Variants in NKAIN2 observed in about 807,000 individuals in gnomAD.
NKAIN2 encodes the protein sodium/potassium transporting ATPase interacting 2.
NKAIN2 carries 14 observed loss-of-function variants against 32.6 expected under a neutral mutation model. The ratio of observed to expected loss-of-function variants is 0.43; its 90% CI spans 0.28 to 0.67. NKAIN2 has a LOEUF of 0.67. Among genes scored for constraint, NKAIN2 ranks in the 30% least tolerant of loss-of-function variants. The pLI is 0.17. For missense variants in NKAIN2, 198 were observed against 258.3 expected (o/e 0.77, Z 1.60); for synonymous variants, 80 against 87.2 (o/e 0.92, Z 0.46).
At chr6:123,991,422 A>G (rs1779403915) in intron 1 of NKAIN2, among the ~76,000 whole-genome samples, 2 of 152,044 alleles carry the variant, frequency 1.3e-5, no homozygotes, top group African/African-American at 4.8e-5. Context: ...GAGAGGAAAA[A>G]AAGTTTGGAA....
Position 124,094,343 on chromosome 6 carries a change from T to C in NKAIN2, c.55-188662T>C, listed in dbSNP as rs182736071. Among the ~76,000 whole-genome samples, 171 of 152,282 alleles carry C rather than the reference T, an allele frequency of 1.1e-3. 1 individual carries two copies. Among genetic ancestry groups the C allele is most frequent in the Admixed American group, 2.0e-3 (31 of 15,290 alleles). ...ATCTCCTTGAAACCTCCCATATTTC[T>C]TACTCTAATTCTGAAATATTTTGAA... On this transcript the variant is annotated intron_variant, in intron 1 of 6. Coordinates refer to ENST00000368417, the MANE Select transcript of NKAIN2 (RefSeq NM_001040214.3).
At chr6:124,108,195 T>C (rs1291185450) in intron 1 of NKAIN2, among the ~76,000 whole-genome samples, 1 of 152,090 alleles carries the variant, frequency 6.6e-6, no homozygotes, top group Non-Finnish European at 1.5e-5. Context: ...TATTATTTGT[T>C]TCTTGGTAAT....
At chr6:124,665,805 T>C (rs1562313933) in intron 4 of NKAIN2, among the ~76,000 whole-genome samples, 2 of 152,160 alleles carry the variant, frequency 1.3e-5, no homozygotes, top group Non-Finnish European at 2.9e-5. Context: ...GTCATTTCCT[T>C]TCTGAGACTG....
intron 1 of NKAIN2, among the ~76,000 whole-genome samples, chr6:124,246,665 A>G (rs561390825): frequency 6.6e-6 from 1 of 152,160 alleles, no homozygotes; most frequent in East Asian, 1.9e-4. Flanking sequence ...TTTACAGCCT[A>G]ACACCACAAC....
intron 3 of NKAIN2, among the ~76,000 whole-genome samples, chr6:124,638,771 G>A (rs1156306462): frequency 6.0e-5 from 9 of 150,776 alleles, no homozygotes; most frequent in African/African-American, 2.2e-4. Flanking sequence ...GACGCCTGTA[G>A]TCCCAGCTAC....
chr6:123,872,768 G>C (rs945496915), intron 1 of NKAIN2, among the ~76,000 whole-genome samples: 2 of 152,082 alleles, frequency 1.3e-5, no homozygotes, highest in African/African-American at 2.4e-5. Flanking sequence ...AGATTATGGG[G>C]AATAAAACAA....
chr6:124,520,081 T>C (rs2114794296), intron 3 of NKAIN2, among the ~76,000 whole-genome samples: 1 of 152,090 alleles, frequency 6.6e-6, no homozygotes, highest in African/African-American at 2.4e-5. Flanking sequence ...GCCTCTGGGG[T>C]CCAGGCCTTT....
At chr6:124,304,738 ACCCCAT>A (rs1796440238) in intron 2 of NKAIN2, among the ~76,000 whole-genome samples, 1 of 151,220 alleles carries the variant, frequency 6.6e-6, no homozygotes, top group Non-Finnish European at 1.5e-5. Context: ...ACATGGTGAA[ACCCCAT>A]CTCTACTAAA....
chr6:123,983,763 T>A (rs1779009023), intron 1 of NKAIN2, among the ~76,000 whole-genome samples: 1 of 151,824 alleles, frequency 6.6e-6, no homozygotes. Flanking sequence ...TTTCTAGTAA[T>A]AATATTAAGT....
At chr6:124,385,883 A>C (rs1772875675) in intron 3 of NKAIN2, among the ~76,000 whole-genome samples, 1 of 151,550 alleles carries the variant, frequency 6.6e-6, no homozygotes, top group Non-Finnish European at 1.5e-5. Context: ...CATGAAAAAT[A>C]GAACAAAAAG....
chr6:124,047,313 A>C (rs934901408), intron 1 of NKAIN2, among the ~76,000 whole-genome samples: 2 of 151,986 alleles, frequency 1.3e-5, no homozygotes, highest in Non-Finnish European at 2.9e-5. Flanking sequence ...TATTTAGGTA[A>C]TCTGCAAATC....
intron 1 of NKAIN2, among the ~76,000 whole-genome samples, chr6:124,237,869 C>T (rs1199909937): frequency 6.6e-6 from 1 of 151,994 alleles, no homozygotes; most frequent in African/African-American, 2.4e-5. Flanking sequence ...CACAGAAGAG[C>T]AGTTACACTG....
At chr6:123,881,664 C>A (rs1452073445) in intron 1 of NKAIN2, among the ~76,000 whole-genome samples, 2 of 152,036 alleles carry the variant, frequency 1.3e-5, no homozygotes, top group Non-Finnish European at 2.9e-5. Flanking sequence ...TTGTGGATTT[C>A]ATATATAATG....
chr6:124,146,178 A>C (rs1195154339), intron 1 of NKAIN2, among the ~76,000 whole-genome samples: 1 of 152,214 alleles, frequency 6.6e-6, no homozygotes, highest in Non-Finnish European at 1.5e-5. Flanking sequence ...TAAAAATGCC[A>C]ATTTATAAAG....
intron 4 of NKAIN2, among the ~76,000 whole-genome samples, chr6:124,670,737 G>T (rs935532327): frequency 6.6e-6 from 1 of 151,232 alleles, no homozygotes; most frequent in Non-Finnish European, 1.5e-5. Context: ...AATCTCCAGA[G>T]AAGAACAATA....
intron 3 of NKAIN2, among the ~76,000 whole-genome samples, chr6:124,645,449 C>T (rs1226761825): frequency 1.3e-5 from 2 of 152,176 alleles, no homozygotes; most frequent in East Asian, 3.9e-4. Flanking sequence ...AATTTGCATA[C>T]TGAAAAATTA....
At chr6:124,305,143 T>G (rs1796458237) in intron 2 of NKAIN2, among the ~76,000 whole-genome samples, 2 of 152,332 alleles carry the variant, frequency 1.3e-5, no homozygotes, top group South Asian at 4.1e-4. Flanking sequence ...TTTTCATTTT[T>G]AAGATTAAAA....
chr6:124,188,188 A>G (rs1349029676), intron 1 of NKAIN2, among the ~76,000 whole-genome samples: 1 of 152,202 alleles, frequency 6.6e-6, no homozygotes. Context: ...GTCCAATAGC[A>G]TCATATCATG....
At position 124,627,864 on chromosome 6, in the gene NKAIN2, ACT is replaced by A. The variant is rs558999267; in HGVS notation, c.274-30320_274-30319del. 1.4e-3 allele frequency among the ~76,000 whole-genome samples: 208 copies of A among 152,192 alleles called. 1 individual carries two copies. Among genetic ancestry groups the A allele is most frequent in the African/African-American group, 4.7e-3 (196 of 41,528 alleles). ...GGTATAAATACACACAGTCAGTCAC[ACT>A]CACATGCATTCACAGGTTCACACAC... On this transcript the variant is annotated intron_variant, in intron 3 of 6. Coordinates refer to ENST00000368417, the MANE Select transcript of NKAIN2 (RefSeq NM_001040214.3).
Sources: gnomAD v4.1 joint callset for allele counts (sites outside exome capture counted in the v4.1 genomes callset) on GRCh38, gnomAD v4.1.1 for gene constraint, MANE v1.5 for transcripts, NCBI Gene and HGNC (gene_info 2026-07-23, HGNC 2026-07-21) for gene names.